The following TAS2R1 variants were observed in gnomAD, a reference collection of about 807,000 sequenced individuals.
The protein encoded by TAS2R1 is taste 2 receptor member 1.
For synonymous variants in TAS2R1, 141 were observed against 134.2 expected (o/e 1.05, Z -0.35); for missense variants, 370 against 353.4 (o/e 1.05, Z -0.38).
At chr5:9,745,495 T>G in the TAS2R1 span, among the ~76,000 whole-genome samples, 1 of 152,076 alleles carries the variant, frequency 6.6e-6, no homozygotes. Flanking sequence ...GCTGGAGTCA[T>G]CACACTACCT....
In TAS2R1 at chr5:9,651,112, CTG is replaced by C. The variant is rs139206948; in HGVS notation, c.-81+8307_-81+8308del. Among the ~76,000 whole-genome samples the C allele has an allele frequency of 9.4e-3, 1,438 of 152,282 alleles. 25 individuals are homozygous for C. The highest frequency in any genetic ancestry group is 0.033 in the African/African-American group (1,366 of 41,554). ...TCAGAGTATAAAAAGTTTCAAAAGA[CTG>C]TGCTGTGGTGTGGAGAAATTCCAAA... On this transcript the variant is annotated intron_variant, in intron 2 of 2. Transcript: ENST00000506620.
At chr5:9,648,991 A>G (rs1304174678) in intron 2 of TAS2R1, among the ~76,000 whole-genome samples, 3 of 152,176 alleles carry the variant, frequency 2.0e-5, no homozygotes, top group Non-Finnish European at 4.4e-5. Context: ...GAGGTCCACA[A>G]TTGCTAATTG....
chr5:9,809,578 C>T, the TAS2R1 span, among the ~76,000 whole-genome samples: 9 of 152,210 alleles, frequency 5.9e-5, no homozygotes, highest in South Asian at 1.0e-3. Context: ...GATCTTGGAC[C>T]TCCAGAACTG....
At chr5:9,641,420 T>A (rs1740082656) in intron 2 of TAS2R1, 1 of 152,228 alleles carries the variant, frequency 6.6e-6, no homozygotes, top group Admixed American at 6.5e-5. Flanking sequence ...ATTACATAAT[T>A]TCTGTCACTG....
the TAS2R1 span, among the ~76,000 whole-genome samples, chr5:9,891,172 C>T: frequency 6.6e-6 from 1 of 152,058 alleles, no homozygotes; most frequent in Admixed American, 6.5e-5. Flanking sequence ...AAAATGCATG[C>T]CCCTTTTCCA....
chr5:9,887,440 A>G, the TAS2R1 span, among the ~76,000 whole-genome samples: 1 of 152,120 alleles, frequency 6.6e-6, no homozygotes, highest in South Asian at 2.1e-4. Context: ...CAGCACTCTC[A>G]TCAAGCAGAA....
chr5:9,698,790 G>C (rs1443178816), intron 1 of TAS2R1, among the ~76,000 whole-genome samples: 1 of 152,132 alleles, frequency 6.6e-6, no homozygotes, highest in Non-Finnish European at 1.5e-5. Context: ...ACCGCAATGA[G>C]ATACGGCCAA....
chr5:9,712,907 A>G (rs1231647967), upstream of TAS2R1, among the ~76,000 whole-genome samples: 1 of 151,962 alleles, frequency 6.6e-6, no homozygotes, highest in East Asian at 1.9e-4. Flanking sequence ...AACCCTAACT[A>G]ATATACCCAC....
the TAS2R1 span, among the ~76,000 whole-genome samples, chr5:9,727,926 C>T: frequency 3.3e-5 from 5 of 152,172 alleles, no homozygotes; most frequent in Non-Finnish European, 7.3e-5. Context: ...GGGTAGAATG[C>T]ATCTTGGGTA....
the TAS2R1 span, among the ~76,000 whole-genome samples, chr5:9,778,416 C>G: frequency 6.6e-6 from 1 of 152,294 alleles, no homozygotes; most frequent in Non-Finnish European, 1.5e-5. Context: ...CTTAAAGTTA[C>G]CAGCTGCATT....
At chr5:9,738,591 C>A in the TAS2R1 span, among the ~76,000 whole-genome samples, 4 of 152,296 alleles carry the variant, frequency 2.6e-5, no homozygotes, top group Admixed American at 6.5e-5. Context: ...AAATTAAACA[C>A]CCATTTCTAT....
chr5:9,652,615 A>T (rs1403749830), intron 2 of TAS2R1, among the ~76,000 whole-genome samples: 1 of 152,162 alleles, frequency 6.6e-6, no homozygotes, highest in East Asian at 1.9e-4. Context: ...AAGAGAGAAA[A>T]GTAAGCTTTT....
the TAS2R1 span, chr5:9,870,187 T>C: frequency 1.3e-5 from 2 of 152,230 alleles, no homozygotes; most frequent in Admixed American, 6.5e-5. Flanking sequence ...TCTCTCTATA[T>C]TGGTACTTTC....
chr5:9,889,049 T>C, the TAS2R1 span, among the ~76,000 whole-genome samples: 2 of 152,232 alleles, frequency 1.3e-5, no homozygotes, highest in East Asian at 1.9e-4. Context: ...AAGTATCTGC[T>C]ATGAGAGCAA....
the TAS2R1 span, among the ~76,000 whole-genome samples, chr5:9,864,133 C>T: frequency 6.6e-6 from 1 of 152,192 alleles, no homozygotes; most frequent in Non-Finnish European, 1.5e-5. Context: ...TCCTGCTCTG[C>T]TTTCCTCAAT....
At chr5:9,716,885 A>G (rs909711467), upstream of TAS2R1, among the ~76,000 whole-genome samples, 2 of 152,150 alleles carry the variant, frequency 1.3e-5, no homozygotes, top group South Asian at 2.1e-4. Context: ...TGCCTACCAA[A>G]CCAGCCATAC....
At chr5:9,662,552 G>A (rs999042103) in intron 1 of TAS2R1, among the ~76,000 whole-genome samples, 2 of 152,186 alleles carry the variant, frequency 1.3e-5, no homozygotes, top group Non-Finnish European at 2.9e-5. Context: ...CGGAGTTGGA[G>A]GTGATTTCTT....
chr5:9,858,624 T>C, the TAS2R1 span, among the ~76,000 whole-genome samples: 40,723 of 152,006 alleles, frequency 0.27, 5,704 homozygotes, highest in African/African-American at 0.34. Flanking sequence ...TTATAAGAGA[T>C]AAAAATATCT....
At chr5:9,815,089 T>C in the TAS2R1 span, among the ~76,000 whole-genome samples, 1 of 152,360 alleles carries the variant, frequency 6.6e-6, no homozygotes, top group South Asian at 2.1e-4. Context: ...AAAGGAAATG[T>C]AATTAAGCTC....
Sources: allele counts gnomAD v4.1 joint callset (sites outside exome capture counted in the v4.1 genomes callset), GRCh38; gene constraint gnomAD v4.1.1; transcripts MANE v1.5; gene names NCBI Gene and HGNC (gene_info 2026-07-23, HGNC 2026-07-21).